The following RAB7B variants were observed in gnomAD, a reference collection of about 807,000 sequenced individuals.
The protein encoded by RAB7B is RAB7B, member RAS oncogene family.
intron 5 of RAB7B, among the ~76,000 whole-genome samples, chr1:205,982,923 C>A (rs1420864385): frequency 6.6e-5 from 10 of 152,206 alleles, no homozygotes; most frequent in Non-Finnish European, 1.2e-4. Flanking sequence ...ACATTCTATG[C>A]CCTAGTTAAG....
intron 1 of RAB7B, among the ~76,000 whole-genome samples, chr1:205,998,870 A>ATGC (rs1423284358): frequency 6.6e-6 from 1 of 152,224 alleles, no homozygotes; most frequent in Non-Finnish European, 1.5e-5. Flanking sequence ...GACTCAAGAA[A>ATGC]TGCTAGCTAT....
chr1:205,985,629 T>C lies in RAB7B; in HGVS notation c.433A>G (p.Lys145Glu). ...CTGACTTCAAAGTAAGGAATATCTT[T>C]CTCTCTACACCAGCCTTGAGCTACT... ...QEVAQGWCRE[K>E]DIPYFEVSAK... is the part of the protein sequence containing the mutation. The change falls in exon 5 of 6, where the codon AAA (lysine) becomes GAA (glutamate). Residue 145 changes from lysine (K) to glutamate (E), a missense_variant. Physicochemically the swap from Lys to Glu is moderately conservative, Grantham distance 56. Coordinates refer to ENST00000617070, the MANE Select transcript of RAB7B (RefSeq NM_001164522.3). 1 of 399,212 alleles carries C rather than the reference T, an allele frequency of 2.5e-6. No homozygotes were observed. Among genetic ancestry groups the C allele is most frequent in the Non-Finnish European group, 4.4e-6 (1 of 226,404 alleles). The allele number at this position is 399,212 out of a possible 1,614,324, so 24.7% of individuals were successfully genotyped here.
At chr1:205,989,981 G>T (rs1660690552) in intron 4 of RAB7B, among the ~76,000 whole-genome samples, 2 of 152,106 alleles carry the variant, frequency 1.3e-5, no homozygotes, top group East Asian at 3.8e-4. Flanking sequence ...CTCAACAGAA[G>T]ATGGCACCAC....
chr1:205,989,474 C>T (rs1660679796), intron 4 of RAB7B, among the ~76,000 whole-genome samples: 1 of 152,110 alleles, frequency 6.6e-6, no homozygotes, highest in South Asian at 2.1e-4. Flanking sequence ...GGTGAGGCCT[C>T]CTAACCCCTC....
intron 2 of RAB7B, among the ~76,000 whole-genome samples, chr1:205,993,867 G>C (rs1415318179): frequency 6.6e-6 from 1 of 152,190 alleles, no homozygotes; most frequent in Non-Finnish European, 1.5e-5. Context: ...TCACACAGCT[G>C]GTTACTGCAG....
chr1:205,983,131 C>A (rs1452890399), intron 5 of RAB7B, among the ~76,000 whole-genome samples: 1 of 152,282 alleles, frequency 6.6e-6, no homozygotes, highest in South Asian at 2.1e-4. Context: ...GCCTTGGTGG[C>A]CTTGCTGGCT....
At position 205,992,618 on chromosome 1, in the gene RAB7B, T is replaced by C; in HGVS notation, c.258A>G (p.Leu86=). The change falls in exon 4 of 6, where the codon CTA becomes CTG. Residue 86 remains leucine (L), a synonymous_variant. Transcript: ENST00000617070. ...ACTCCAGGTCGGTGACATCAAAAGC[T>C]AGGATGCAGCCATCGGAGCCCTTGT... The part of the protein sequence containing the change: ...TFYKGSDGCI[L]AFDVTDLESF... 1 of 398,726 alleles carries C rather than the reference T, an allele frequency of 2.5e-6. No individual in the cohort carries two copies. Among genetic ancestry groups the C allele is most frequent in the East Asian group, 3.6e-5 (1 of 28,080 alleles). The allele number at this position is 398,726 out of a possible 1,614,324, so 24.7% of individuals were successfully genotyped here.
At chr1:205,994,796 C>T (rs1660782772) in intron 1 of RAB7B, among the ~76,000 whole-genome samples, 1 of 152,186 alleles carries the variant, frequency 6.6e-6, no homozygotes. Context: ...CAAGAATGTT[C>T]TTCACTGTAC....
chr1:205,985,364 T>A (rs1370385135), intron 5 of RAB7B, among the ~76,000 whole-genome samples, 176 bp downstream of exon 5: 1 of 152,182 alleles, frequency 6.6e-6, no homozygotes, highest in Non-Finnish European at 1.5e-5. Flanking sequence ...TGGCATTCTG[T>A]GGTTCCAGAG....
At chr1:205,996,217 A>G (rs1035856392) in intron 1 of RAB7B, among the ~76,000 whole-genome samples, 119 of 151,046 alleles carry the variant, frequency 7.9e-4, no homozygotes, top group African/African-American at 2.8e-3. Flanking sequence ...TGTAGGATAC[A>G]TGCTTAACTG....
intron 4 of RAB7B, among the ~76,000 whole-genome samples, chr1:205,988,746 G>A (rs996363495): frequency 1.1e-4 from 16 of 152,140 alleles, no homozygotes; most frequent in Non-Finnish European, 1.8e-4. Flanking sequence ...TCCAGGCTGC[G>A]GAGGCACATG....
At chr1:205,985,286 G>C (rs959300951) in intron 5 of RAB7B, among the ~76,000 whole-genome samples, 7 of 152,138 alleles carry the variant, frequency 4.6e-5, no homozygotes, top group Admixed American at 2.6e-4. Flanking sequence ...GATACTCCAC[G>C]AGGGATTTGG....
chr1:205,983,491 C>T (rs1431508785), intron 5 of RAB7B, among the ~76,000 whole-genome samples: 1 of 152,230 alleles, frequency 6.6e-6, no homozygotes, highest in African/African-American at 2.4e-5. Flanking sequence ...TCTCACTCTA[C>T]TGACCTCAAG....
chr1:205,990,557 G>T lies in RAB7B; in HGVS notation c.396+1923C>A, dbSNP rs1042581020. 1.4e-4 allele frequency among the ~76,000 whole-genome samples: 22 copies of T among 152,134 alleles called. 2 individuals are homozygous for T. Among genetic ancestry groups the T allele is most frequent in the Admixed American group, 1.2e-3 (18 of 15,278 alleles). On this transcript the variant is annotated intron_variant, in intron 4 of 5. Transcript: ENST00000617070. ...CAGAGAGAGAGAGAGAGAGCAACAGGCTGGGGCTGGCTAAATCCCACTTAA... is the reference window on the plus strand; with the variant it reads ...CAGAGAGAGAGAGAGAGAGCAACAGTCTGGGGCTGGCTAAATCCCACTTAA...
intron 1 of RAB7B, among the ~76,000 whole-genome samples, chr1:205,999,375 A>G (rs1055759338): frequency 3.3e-5 from 5 of 152,270 alleles, no homozygotes; most frequent in Non-Finnish European, 2.9e-5. Flanking sequence ...CTTTGAAAAG[A>G]TACTCAACCT....
At chr1:205,989,700 C>G (rs966773234) in intron 4 of RAB7B, among the ~76,000 whole-genome samples, 7 of 152,154 alleles carry the variant, frequency 4.6e-5, no homozygotes, top group African/African-American at 1.7e-4. Context: ...CTCCCCTGGT[C>G]CCTCTTCTTT....
At chr1:206,001,277 CTT>C (rs1263017651) in intron 1 of RAB7B, among the ~76,000 whole-genome samples, 19 of 144,960 alleles carry the variant, frequency 1.3e-4, no homozygotes, top group African/African-American at 2.7e-4. Context: ...CAGTAGCCGT[CTT>C]TTTTTTTTTT....
intron 5 of RAB7B, among the ~76,000 whole-genome samples, chr1:205,983,244 T>G (rs1432357896): frequency 6.6e-6 from 1 of 152,224 alleles, no homozygotes; most frequent in Non-Finnish European, 1.5e-5. Context: ...CAGGAACTCA[T>G]GCCTGGGTCT....
intron 5 of RAB7B, among the ~76,000 whole-genome samples, chr1:205,979,473 C>A (rs1485027410): frequency 2.6e-5 from 4 of 152,116 alleles, no homozygotes; most frequent in Non-Finnish European, 4.4e-5. Context: ...CAACAAGGGT[C>A]CAGAGGAAGC....
Sources: gnomAD v4.1 joint callset for allele counts (sites outside exome capture counted in the v4.1 genomes callset) on GRCh38, gnomAD v4.1.1 for gene constraint, MANE v1.5 for transcripts, NCBI Gene and HGNC (gene_info 2026-07-23, HGNC 2026-07-21) for gene names.